The following GRM1 variants were observed in gnomAD, a reference collection of about 807,000 sequenced individuals.
GRM1 encodes glutamate metabotropic receptor 1.
In GRM1, 33 loss-of-function variants were observed where a neutral mutation model predicts 90.9. The ratio of observed to expected loss-of-function variants is 0.36; its 90% CI spans 0.28 to 0.49. The LOEUF (loss-of-function observed/expected upper bound fraction) is 0.49, where lower values mean the gene tolerates loss of function less well. Among genes scored for constraint, GRM1 ranks in the 20% least tolerant of loss-of-function variants. The pLI is 0.99. For synonymous variants in GRM1, 700 were observed against 613.2 expected (o/e 1.14, Z -2.09); for missense variants, 1,190 against 1,534.3 (o/e 0.78, Z 3.75).
intron 1 of GRM1, among the ~76,000 whole-genome samples, chr6:146,092,940 A>G (rs1282471363): frequency 6.6e-6 from 1 of 152,154 alleles, no homozygotes; most frequent in Non-Finnish European, 1.5e-5. Context: ...TGCTGGTAAT[A>G]TCACTGGTTC....
intron 2 of GRM1, among the ~76,000 whole-genome samples, chr6:146,242,604 A>T (rs887120436): frequency 6.6e-6 from 1 of 152,112 alleles, no homozygotes; most frequent in Non-Finnish European, 1.5e-5. Flanking sequence ...AGTTGCATGA[A>T]ATTCCTGTGC....
At chr6:146,325,598 G>GTCTACATGTGCATTGT (rs1174835817) in intron 3 of GRM1, among the ~76,000 whole-genome samples, 1 of 152,174 alleles carries the variant, frequency 6.6e-6, no homozygotes, top group African/African-American at 2.4e-5. Context: ...CAGAGGTTAA[G>GTCTACATGTGCATTGT]GAAACATTGT....
intron 2 of GRM1, among the ~76,000 whole-genome samples, chr6:146,162,982 G>T (rs569406878): frequency 6.6e-6 from 1 of 152,088 alleles, no homozygotes; most frequent in Admixed American, 6.6e-5. Flanking sequence ...TCCAGTCCTA[G>T]AATTTATAAT....
intron 1 of GRM1, among the ~76,000 whole-genome samples, chr6:146,092,047 G>T (rs562576359): frequency 2.0e-5 from 3 of 151,998 alleles, no homozygotes; most frequent in Non-Finnish European, 4.4e-5. Context: ...CCCATTCCCC[G>T]AATGTCTTCA....
intron 2 of GRM1, among the ~76,000 whole-genome samples, chr6:146,208,401 T>C (rs956402158): frequency 7.2e-5 from 11 of 152,184 alleles, no homozygotes; most frequent in Non-Finnish European, 1.6e-4. Flanking sequence ...GCAGTAAAAA[T>C]TGTTTTAGAA....
chr6:146,075,387 A>G (rs749856356), intron 1 of GRM1, among the ~76,000 whole-genome samples: 1 of 152,222 alleles, frequency 6.6e-6, no homozygotes, highest in Non-Finnish European at 1.5e-5. Flanking sequence ...GTCCTCAGAG[A>G]GCTGATATTC....
intron 2 of GRM1, among the ~76,000 whole-genome samples, chr6:146,183,045 T>C (rs1778605343): frequency 1.3e-5 from 2 of 152,264 alleles, no homozygotes; most frequent in African/African-American, 2.4e-5. Flanking sequence ...GTAGGACAGC[T>C]CTACCTCATG....
Position 146,304,804 on chromosome 6 carries a change from G to A in GRM1, c.1144G>A (p.Gly382Arg). ...WQHRFQCRLP[G>R]HLLENPNFKR... Reference sequence around the variant, plus strand: ...ACATCGGTTCCAGTGCCGCCTTCCAGGACACCTTCTGGAAAATCCCAACTT... The same window carrying A: ...ACATCGGTTCCAGTGCCGCCTTCCAAGACACCTTCTGGAAAATCCCAACTT... Residue 382 changes from glycine (G) to arginine (R), a missense_variant, in exon 3 of 8, where the codon GGA becomes AGA. This residue lies in a region of GRM1 where 414 missense variants were observed against 598.4 expected (regional missense o/e 0.69). Coordinates refer to ENST00000282753, the MANE Select transcript of GRM1 (RefSeq NM_001278064.2). 6.2e-7 allele frequency: 1 copy of A among 1,613,876 alleles called. No individual in the cohort carries two copies. Among genetic ancestry groups the A allele is most frequent in the Non-Finnish European group, 8.5e-7 (1 of 1,179,874 alleles).
intron 1 of GRM1, among the ~76,000 whole-genome samples, chr6:146,043,865 A>G (rs1791224149): frequency 6.7e-6 from 1 of 148,174 alleles, no homozygotes; most frequent in East Asian, 2.0e-4. Flanking sequence ...TCTGTATGCT[A>G]TGAAGCAGAT....
chr6:146,426,088 A>G (rs935636044), intron 7 of GRM1, among the ~76,000 whole-genome samples: 1 of 152,210 alleles, frequency 6.6e-6, no homozygotes, highest in East Asian at 1.9e-4. Context: ...CCAAGAGATA[A>G]ATATATGAAG....
chr6:146,125,221 C>T (rs1776152394), intron 1 of GRM1, among the ~76,000 whole-genome samples: 1 of 152,090 alleles, frequency 6.6e-6, no homozygotes, highest in African/African-American at 2.4e-5. Context: ...ACTCCCAACA[C>T]CCAAATAGTT....
At chr6:146,335,794 C>A (rs1409960397) in intron 3 of GRM1, among the ~76,000 whole-genome samples, 1 of 151,962 alleles carries the variant, frequency 6.6e-6, no homozygotes, top group Non-Finnish European at 1.5e-5. Context: ...TGGCTGTGTC[C>A]CCACCCAAAT....
intron 2 of GRM1, among the ~76,000 whole-genome samples, chr6:146,204,815 C>G (rs1464963559): frequency 6.6e-6 from 1 of 152,140 alleles, no homozygotes; most frequent in Non-Finnish European, 1.5e-5. Context: ...ACGCAGAGTT[C>G]TGAAACAGCG....
chr6:146,171,867 A>C (rs547569675), intron 2 of GRM1: 39 of 242,922 alleles, frequency 1.6e-4, no homozygotes, highest in Admixed American at 5.6e-4. Context: ...CCTCATTTCT[A>C]TTGTTCTTGT....
intron 1 of GRM1, among the ~76,000 whole-genome samples, chr6:146,092,020 A>G (rs1776731284): frequency 6.6e-6 from 1 of 152,114 alleles, no homozygotes; most frequent in Non-Finnish European, 1.5e-5. Flanking sequence ...AATAATTTCA[A>G]AGACATGCTT....
At chr6:146,305,394 G>A (rs1783540080) in intron 3 of GRM1, among the ~76,000 whole-genome samples, 1 of 152,148 alleles carries the variant, frequency 6.6e-6, no homozygotes, top group African/African-American at 2.4e-5. Flanking sequence ...GCCATGACAG[G>A]AAACAGCAGC....
intron 1 of GRM1, among the ~76,000 whole-genome samples, chr6:146,046,853 A>G (rs1469762600): frequency 1.3e-5 from 2 of 151,994 alleles, no homozygotes; most frequent in Non-Finnish European, 2.9e-5. Flanking sequence ...GATTATTGCC[A>G]CATCATTGTG....
chr6:146,193,950 A>AT (rs572270783), intron 2 of GRM1, among the ~76,000 whole-genome samples: 16,728 of 147,520 alleles, frequency 0.11, 1,850 homozygotes, highest in African/African-American at 0.29. Context: ...ATACTGCCAG[A>AT]TTTTTTTTTT....
intron 1 of GRM1, among the ~76,000 whole-genome samples, chr6:146,130,205 C>T (rs896584476): frequency 2.0e-5 from 3 of 152,064 alleles, no homozygotes; most frequent in African/African-American, 7.2e-5. Flanking sequence ...TTTTCTGAGA[C>T]TCTAGATTTA....
Sources: allele counts gnomAD v4.1 joint callset (sites outside exome capture counted in the v4.1 genomes callset), GRCh38; gene constraint gnomAD v4.1.1; regional missense constraint gnomAD v4.1.1; transcripts MANE v1.5; gene names NCBI Gene and HGNC (gene_info 2026-07-23, HGNC 2026-07-21).